PCDHA2: variants seen among roughly 807,000 people sequenced by gnomAD.
PCDHA2 encodes protocadherin alpha 2, also known as protocadherin alpha-2.
PCDHA2 carries 58 observed loss-of-function variants against 66.0 expected under a neutral mutation model. The ratio of observed to expected loss-of-function variants is 0.88; its 90% confidence interval spans 0.71 to 1.09. PCDHA2 has a LOEUF of 1.09. Ranked by LOEUF, PCDHA2 falls within the 50% of genes least tolerant of loss-of-function variation. The pLI is 0.00. For missense variants in PCDHA2, 1,267 were observed against 1,242.3 expected, an observed-to-expected ratio of 1.02 and a Z score of -0.30; for synonymous variants, 634 against 554.0, an observed-to-expected ratio of 1.14 and a Z score of -2.03.
At chr5:140,877,488 C>T (rs781785108) in intron 1 of PCDHA2, 9 of 1,613,736 alleles carry the variant, frequency 5.6e-6, no homozygotes, top group Admixed American at 5.0e-5. Flanking sequence ...TGGTGGAGAA[C>T]GGCCAGGCCC....
In PCDHA2 at chr5:140,856,289, G is replaced by A. The variant is rs138367057; in HGVS notation, c.2388+58937G>A. Reference sequence around the variant, plus strand: ...CCTTCTGGAGGTAAATCTGCAGAATGGCATTTTGTTTGTGAATTCTCGGAT... The same window carrying A: ...CCTTCTGGAGGTAAATCTGCAGAATAGCATTTTGTTTGTGAATTCTCGGAT... On this transcript the variant is annotated intron_variant, in intron 1 of 3. Coordinates refer to ENST00000526136, the MANE Select transcript of PCDHA2 (RefSeq NM_018905.3). The A allele has an allele frequency of 3.3e-4, 527 of 1,598,532 alleles. 21 individuals carry two copies. The African/African-American group carries it at 6.0e-3, about 18-fold the overall frequency.
intron 1 of PCDHA2, chr5:140,968,136 T>C (rs1554230395): frequency 1.2e-6 from 2 of 1,614,102 alleles, no homozygotes; most frequent in South Asian, 2.2e-5. Flanking sequence ...ACACTGAAGG[T>C]TGAGATCTCT....
At chr5:140,850,765 G>A (rs2150497510) in intron 1 of PCDHA2, 1 of 1,598,120 alleles carries the variant, frequency 6.3e-7, no homozygotes, top group Admixed American at 1.7e-5. Flanking sequence ...AGGAGGCAGA[G>A]GGTGTGCTCT....
chr5:140,983,665 A>G (rs1161885514), intron 3 of PCDHA2, among the ~76,000 whole-genome samples: 3 of 152,248 alleles, frequency 2.0e-5, no homozygotes, highest in Non-Finnish European at 4.4e-5. Flanking sequence ...GGCAGAGGGT[A>G]GGATTCAAAC....
chr5:140,824,549 T>C, intron 1 of PCDHA2: 1 of 178,800 alleles, frequency 5.6e-6, no homozygotes, highest in South Asian at 1.5e-4. Context: ...ACTCCTGGGC[T>C]CAAGTGATCC....
intron 1 of PCDHA2, among the ~76,000 whole-genome samples, chr5:140,943,562 T>G (rs246066): frequency 0.58 from 88,255 of 152,018 alleles, 26,572 homozygotes; most frequent in African/African-American, 0.75. Flanking sequence ...ACAATAATCA[T>G]TTTAATTTGT....
rs1286159283 is a variant in PCDHA2 at position 140,856,342 on chromosome 5, C to G, written c.2388+58990C>G. The G allele has an allele frequency of 5.6e-6, 9 of 1,598,384 alleles. 1 individual carries two copies. In the Admixed American group the frequency reaches 1.3e-4, roughly 24 times the overall value. On this transcript the variant is annotated intron_variant, in intron 1 of 3. Transcript: ENST00000526136. ...ACCGCGAGGAGCTGTGCGGGCGGAG[C>G]GTGGAGTGCAGCATCCACCTGGAGG...
chr5:140,967,985 A>G, intron 1 of PCDHA2: 3 of 1,614,218 alleles, frequency 1.9e-6, no homozygotes, highest in East Asian at 4.5e-5. Flanking sequence ...TCTGGAGGCC[A>G]CACTGCCTTT....
chr5:140,965,035 C>T (rs978573637), intron 1 of PCDHA2, among the ~76,000 whole-genome samples: 6 of 152,108 alleles, frequency 3.9e-5, no homozygotes, highest in Non-Finnish European at 5.9e-5. Context: ...TTTAACTGTC[C>T]GCTCTAGGAG....
chr5:140,941,403 G>A lies in PCDHA2; in HGVS notation c.2389-37546G>A, dbSNP rs527986544. Among the ~76,000 whole-genome samples, 769 of 142,382 alleles carry A rather than the reference G, an allele frequency of 5.4e-3. 3 individuals carry two copies. The highest frequency in any genetic ancestry group is 0.019 in the African/African-American group (737 of 38,338). The allele number at this position is 142,382 out of a possible 152,430, so 93.4% of individuals were successfully genotyped here. On this transcript the variant is annotated intron_variant, in intron 1 of 3. Coordinates refer to ENST00000526136, the MANE Select transcript of PCDHA2 (RefSeq NM_018905.3). ...AGGATTTTGGCTCACTGCAACCTCC[G>A]CCTCCCGGGTTCAAGCAATTCTCTG...
At chr5:140,851,448 T>C (rs2042064678) in intron 1 of PCDHA2, 1 of 914,844 alleles carries the variant, frequency 1.1e-6, no homozygotes, top group African/African-American at 1.8e-5. Flanking sequence ...TGCTCCACTT[T>C]AGGAATCAAA....
In PCDHA2 at chr5:140,835,510, A is replaced by C. The variant is rs145294768; in HGVS notation, c.2388+38158A>C. On this transcript the variant is annotated intron_variant, in intron 1 of 3. Transcript: ENST00000526136. Reference sequence around the variant, plus strand: ...GTCATCACATTGATTAGCGTGTTTGACCGAGATTTTGGAGTCAACGGACAG... The same window carrying C: ...GTCATCACATTGATTAGCGTGTTTGCCCGAGATTTTGGAGTCAACGGACAG... The C allele has an allele frequency of 3.4e-5, 55 of 1,613,788 alleles. 1 individual carries two copies. The highest frequency in any genetic ancestry group is 4.6e-5 in the Non-Finnish European group (54 of 1,179,878).
chr5:140,862,984 G>A (rs1420012474), intron 1 of PCDHA2: 1 of 546,626 alleles, frequency 1.8e-6, no homozygotes, highest in Non-Finnish European at 3.6e-6. Context: ...TGGTGGCGAA[G>A]GTGCGCACGG....
chr5:140,976,287 AAGCCTGTAATCCC>A (rs1253731489), intron 1 of PCDHA2, among the ~76,000 whole-genome samples: 3 of 152,196 alleles, frequency 2.0e-5, no homozygotes, highest in Admixed American at 6.5e-5. Flanking sequence ...ACAGTGGCTC[AAGCCTGTAATCCC>A]AGCACTTTGG....
At chr5:140,802,459 A>G (rs372311136) in intron 1 of PCDHA2, 2 of 1,614,150 alleles carry the variant, frequency 1.2e-6, no homozygotes, top group South Asian at 1.1e-5. Flanking sequence ...GTGTCGGCCT[A>G]TGAGCTGGTG....
At position 140,795,253 on chromosome 5, in the gene PCDHA2, G is replaced by C. The variant is rs139811211; in HGVS notation, c.289G>C (p.Gly97Arg). The change falls in exon 1 of 4, where the codon GGG becomes CGG. Residue 97 changes from glycine to arginine, a missense_variant. Coordinates refer to ENST00000526136, the MANE Select transcript of PCDHA2 (RefSeq NM_018905.3). ...NSRIDREELC[G>R]RSAECSIHVE... is the part of the protein sequence containing the mutation. ...TCGGATCGACCGGGAGGAGCTGTGC[G>C]GGCGGAGCGCGGAATGTAGCATCCA... 3 of 1,614,102 alleles carry C rather than the reference G, an allele frequency of 1.9e-6. No individual in the cohort carries two copies. The highest frequency in any genetic ancestry group is 1.7e-6 in the Non-Finnish European group (2 of 1,180,046).
chr5:140,828,949 A>C (rs1770047572), intron 1 of PCDHA2: 1 of 1,614,264 alleles, frequency 6.2e-7, no homozygotes, highest in Non-Finnish European at 8.5e-7. Context: ...GCCTTGTTGC[A>C]GCCATGGTTA....
intron 3 of PCDHA2, among the ~76,000 whole-genome samples, chr5:141,000,228 G>C (rs994042672): frequency 3.3e-5 from 5 of 151,306 alleles, no homozygotes; most frequent in Non-Finnish European, 2.9e-5. Context: ...CCTGTGTGGA[G>C]CTGAATGTGG....
At chr5:140,803,585 A>G in intron 1 of PCDHA2, 8 of 1,614,244 alleles carry the variant, frequency 5.0e-6, no homozygotes, top group Non-Finnish European at 6.8e-6. Flanking sequence ...TTGATCTCTC[A>G]GCCAAAGTGA....
Sources: gnomAD v4.1 joint callset for allele counts (sites outside exome capture counted in the v4.1 genomes callset) on GRCh38, gnomAD v4.1.1 for gene constraint, MANE v1.5 for transcripts, NCBI Gene and HGNC (gene_info 2026-07-23, HGNC 2026-07-21) for gene names.